The following GSE1 variants were observed in gnomAD, a reference collection of about 807,000 sequenced individuals.
The protein encoded by GSE1 is genetic suppressor element 1.
Under a neutral mutation model 112.6 loss-of-function variants are expected in GSE1, and 32 were observed. The ratio of observed to expected loss-of-function variants is 0.28; its 90% CI spans 0.21 to 0.38. The LOEUF (loss-of-function observed/expected upper bound fraction) is 0.38, where lower values mean the gene tolerates loss of function less well. GSE1 is among the 10% of genes least tolerant of loss of function. The pLI, the probability that GSE1 is intolerant of heterozygous loss-of-function variation, is 1.00. For synonymous variants in GSE1, 1,115 were observed against 735.6 expected (o/e 1.52, Z -8.35); for missense variants, 2,348 against 1,699.2 (o/e 1.38, Z -6.71).
intron 1 of GSE1, among the ~76,000 whole-genome samples, chr16:85,298,105 A>T (rs925218218): frequency 4.6e-5 from 7 of 152,204 alleles, no homozygotes; most frequent in Non-Finnish European, 7.3e-5. Flanking sequence ...TCAAACTGCA[A>T]CGTGGGACAT....
chr16:85,432,990 C>A (rs2151763592), intron 2 of GSE1, among the ~76,000 whole-genome samples: 1 of 152,046 alleles, frequency 6.6e-6, no homozygotes, highest in South Asian at 2.1e-4. Flanking sequence ...GATGGAAGAG[C>A]CCCGTTTTTA....
chr16:85,488,946 C>G (rs2050925659), intron 2 of GSE1, among the ~76,000 whole-genome samples: 2 of 151,998 alleles, frequency 1.3e-5, no homozygotes, highest in Non-Finnish European at 1.5e-5. Context: ...CAGCCCTGGC[C>G]TTTCGTTTTT....
At chr16:85,264,285 C>T (rs924724107) in intron 1 of GSE1, among the ~76,000 whole-genome samples, 1 of 152,066 alleles carries the variant, frequency 6.6e-6, no homozygotes, top group Non-Finnish European at 1.5e-5. Context: ...ATCTGTCCCA[C>T]ATCCCTAGCT....
chr16:85,254,651 A>C (rs1456171683), intron 1 of GSE1, among the ~76,000 whole-genome samples: 3 of 152,086 alleles, frequency 2.0e-5, no homozygotes, highest in African/African-American at 7.2e-5. Context: ...CTCTGATCCT[A>C]AGCCCGGCCA....
chr16:85,207,262 G>A (rs2075134972), intron 1 of GSE1, among the ~76,000 whole-genome samples: 2 of 152,216 alleles, frequency 1.3e-5, no homozygotes, highest in African/African-American at 4.8e-5. Flanking sequence ...GCCCTGGCCT[G>A]GCCCCTCACT....
intron 2 of GSE1, among the ~76,000 whole-genome samples, chr16:85,445,241 G>A (rs1053087395): frequency 1.3e-5 from 2 of 152,212 alleles, no homozygotes; most frequent in Non-Finnish European, 2.9e-5. Context: ...CAGCTGCCAC[G>A]TGCGGTAATT....
intron 1 of GSE1, among the ~76,000 whole-genome samples, chr16:85,599,571 G>A (rs989002142): frequency 2.6e-5 from 4 of 152,220 alleles, no homozygotes; most frequent in African/African-American, 7.2e-5. Flanking sequence ...TCCTGGCCGC[G>A]TGCTTCCCTG....
intron 1 of GSE1, among the ~76,000 whole-genome samples, chr16:85,179,200 C>G (rs1331972238): frequency 6.6e-6 from 1 of 152,126 alleles, no homozygotes; most frequent in Non-Finnish European, 1.5e-5. Context: ...CTCGTCTGCC[C>G]TCTGTCTTTA....
chr16:85,672,834 G>A lies in GSE1; in HGVS notation c.*295G>A. 4.6e-6 allele frequency: 1 copy of A among 219,078 alleles called. No homozygotes were observed. Among genetic ancestry groups the A allele is most frequent in the South Asian group, 1.1e-4 (1 of 9,296 alleles). The allele number at this position is 219,078 out of a possible 1,614,324, so 13.6% of individuals were successfully genotyped here. ...CATTATTTCTTAATCTGAACATGAA[G>A]GCTCCATTAGCAACACTAAAACTTG... On this transcript the variant is annotated 3_prime_UTR_variant, in exon 16 of 16. Transcript: ENST00000253458.
chr16:85,213,795 C>A lies in GSE1; in HGVS notation c.2283+41988C>A, dbSNP rs1037053918. Among the ~76,000 whole-genome samples the A allele has an allele frequency of 5.0e-4, 76 of 152,198 alleles. 1 individual carries two copies. Among genetic ancestry groups the A allele is most frequent in the Admixed American group, 4.9e-3 (75 of 15,278 alleles). ...TCAAAGAGTGAAGAACATTGAAGGC[C>A]CCCGCTGCCCAGCCTGTGGGAGTGG... On this transcript the variant is annotated intron_variant, in intron 1 of 2. Transcript: ENST00000637419.
intron 2 of GSE1, among the ~76,000 whole-genome samples, chr16:85,439,207 G>A (rs2049319061): frequency 6.6e-6 from 1 of 152,236 alleles, no homozygotes; most frequent in Admixed American, 6.5e-5. Flanking sequence ...TGATTTATGT[G>A]GCTGAGGCAA....
rs758978785 is a variant in GSE1 at position 85,634,177 on chromosome 16, C to T, written c.226+45C>T. On this transcript the variant is annotated intron_variant, in intron 2 of 15. Coordinates refer to ENST00000253458, the MANE Select transcript of GSE1 (RefSeq NM_014615.5). The stretch of plus-strand genomic sequence containing the variant: ...TGCGCGTGGGGGGAGCGGCGGCTCC[C>T]GAGGCCGGGACTCAGCCTCCCGCCT... 1.4e-4 allele frequency: 186 copies of T among 1,314,254 alleles called. 1 individual carries two copies. In the Admixed American group the frequency reaches 3.4e-3, roughly 24 times the overall value. 81.4% of individuals were successfully genotyped at this position (1,314,254 alleles called of 1,614,324 possible).
At chr16:85,380,823 G>A (rs1375554147) in intron 2 of GSE1, among the ~76,000 whole-genome samples, 1 of 152,188 alleles carries the variant, frequency 6.6e-6, no homozygotes, top group African/African-American at 2.4e-5. Flanking sequence ...CTGCCAAGCT[G>A]GGAGACCGTC....
chr16:85,531,213 A>C (rs1047658443), intron 2 of GSE1, among the ~76,000 whole-genome samples: 2 of 152,202 alleles, frequency 1.3e-5, no homozygotes, highest in African/African-American at 4.8e-5. Context: ...CTTTAGCCCC[A>C]CTGTGGGCAC....
At chr16:85,523,250 G>C (rs972209940) in intron 2 of GSE1, among the ~76,000 whole-genome samples, 4 of 147,406 alleles carry the variant, frequency 2.7e-5, no homozygotes, top group African/African-American at 1.1e-4. Flanking sequence ...GCGTGTGACT[G>C]TGTTGTGTGT....
chr16:85,397,064 C>T (rs1018685548), intron 2 of GSE1, among the ~76,000 whole-genome samples: 1 of 152,146 alleles, frequency 6.6e-6, no homozygotes, highest in Admixed American at 6.5e-5. Context: ...TGCAGAGAGG[C>T]ATGGGCAGAT....
At chr16:85,562,279 T>C (rs542409160) in intron 1 of GSE1, among the ~76,000 whole-genome samples, 2 of 152,218 alleles carry the variant, frequency 1.3e-5, no homozygotes, top group Non-Finnish European at 2.9e-5. Context: ...CACGGTTCCA[T>C]CTGTCGGCTG....
At chr16:85,394,054 C>G (rs1414728255) in intron 2 of GSE1, among the ~76,000 whole-genome samples, 1 of 152,142 alleles carries the variant, frequency 6.6e-6, no homozygotes, top group Non-Finnish European at 1.5e-5. Context: ...TGTCACCAGG[C>G]GTCGATACCG....
chr16:85,309,292 T>C (rs1164646245), intron 1 of GSE1, among the ~76,000 whole-genome samples: 2 of 151,438 alleles, frequency 1.3e-5, no homozygotes, highest in Non-Finnish European at 2.9e-5. Context: ...AAGCCAGGAG[T>C]TTGAGAACAG....
Sources: gnomAD v4.1 joint callset for allele counts (sites outside exome capture counted in the v4.1 genomes callset) on GRCh38, gnomAD v4.1.1 for gene constraint, MANE v1.5 for transcripts, NCBI Gene and HGNC (gene_info 2026-07-23, HGNC 2026-07-21) for gene names.